The following SGCG variants were observed in gnomAD, a reference collection of about 807,000 sequenced individuals.
SGCG encodes sarcoglycan gamma, also known as gamma-sarcoglycan.
Under a neutral mutation model 29.3 loss-of-function variants are expected in SGCG, and 26 were observed. That is an observed-to-expected ratio of 0.89 (90% confidence interval 0.65 to 1.23). The LOEUF (loss-of-function observed/expected upper bound fraction) is 1.23. SGCG is among the 50% of genes most tolerant of loss of function. The probability of loss-of-function intolerance (pLI) is 0.00; values close to 1 mark genes in which losing one functional copy is unlikely to be tolerated. For synonymous variants in SGCG, 145 were observed against 129.7 expected (o/e 1.12, Z -0.80); for missense variants, 353 against 356.0 (o/e 0.99, Z 0.07).
At chr13:23,259,080 C>G (rs947741864) in intron 4 of SGCG, among the ~76,000 whole-genome samples, 40 of 152,272 alleles carry the variant, frequency 2.6e-4, no homozygotes, top group Admixed American at 2.6e-3. Context: ...GGAGAATTCC[C>G]TCTTTATCTA....
the SGCG span, among the ~76,000 whole-genome samples, chr13:23,165,527 CTTT>C: frequency 7.0e-6 from 1 of 143,798 alleles, no homozygotes; most frequent in African/African-American, 2.6e-5. Flanking sequence ...AGGAGGCAAA[CTTT>C]TTTTTTTTTT....
the SGCG span, among the ~76,000 whole-genome samples, chr13:23,171,277 T>C: frequency 6.6e-6 from 1 of 152,338 alleles, no homozygotes; most frequent in South Asian, 2.1e-4. Flanking sequence ...ATTATCTTAT[T>C]TAATTATTTA....
intron 3 of SGCG, chr13:23,246,766 TA>T (rs1379319407): frequency 4.7e-6 from 1 of 213,306 alleles, no homozygotes; most frequent in African/African-American, 2.3e-5. Flanking sequence ...CCGTCTCTCT[TA>T]AAGAAGCCCA....
intron 3 of SGCG, among the ~76,000 whole-genome samples, chr13:23,234,930 G>A (rs1351831217): frequency 6.6e-6 from 1 of 151,944 alleles, no homozygotes; most frequent in Non-Finnish European, 1.5e-5. Context: ...TGAATTTGGT[G>A]GCCTCAGTAG....
chr13:23,220,637 A>C (rs893725697), intron 2 of SGCG, among the ~76,000 whole-genome samples: 6 of 152,168 alleles, frequency 3.9e-5, no homozygotes, highest in African/African-American at 1.4e-4. Flanking sequence ...TTCTGTGCAT[A>C]TTTCTAGAGT....
At chr13:23,230,120 C>G (rs1247319175) in intron 2 of SGCG, among the ~76,000 whole-genome samples, 2 of 152,104 alleles carry the variant, frequency 1.3e-5, no homozygotes, top group East Asian at 3.9e-4. Flanking sequence ...TCTGGGCTCT[C>G]TATTCTGTTC....
At chr13:23,203,504 G>A (rs1295308378) in intron 1 of SGCG, among the ~76,000 whole-genome samples, 191 bp from the exon 2 acceptor site, 1 of 152,156 alleles carries the variant, frequency 6.6e-6, no homozygotes, top group Non-Finnish European at 1.5e-5. Context: ...ATATCTCCCT[G>A]TGATTGAAAC....
chr13:23,211,798 T>C (rs1442478395), intron 2 of SGCG, among the ~76,000 whole-genome samples: 2 of 152,172 alleles, frequency 1.3e-5, no homozygotes, highest in African/African-American at 2.4e-5. Flanking sequence ...TTTTGGTATA[T>C]GCTCTTCTCT....
Position 23,203,751 on chromosome 13 carries a change from G to T in SGCG, c.57G>T (p.Glu19Asp), listed in dbSNP as rs752669226. The change falls in exon 2 of 8, where the codon GAG (glutamate) becomes GAT (aspartate). Residue 19 changes from glutamate to aspartate, a missense_variant. Physicochemically the swap from Glu to Asp is conservative, Grantham distance 45. Coordinates refer to ENST00000218867, the MANE Select transcript of SGCG (RefSeq NM_000231.3). Reference protein sequence around the residue: ...ATEGICIERPENQYVYKIGIY... With the variant: ...ATEGICIERPDNQYVYKIGIY... Reference sequence around the variant, plus strand: ...AAGGCATCTGCATAGAGAGGCCAGAGAATCAGTATGTCTACAAAATTGGCA... The same window carrying T: ...AAGGCATCTGCATAGAGAGGCCAGATAATCAGTATGTCTACAAAATTGGCA... 3.1e-6 allele frequency: 5 copies of T among 1,614,098 alleles called. No individual in the cohort carries two copies. In the East Asian group the frequency reaches 8.9e-5, roughly 29 times the overall value.
chr13:23,227,580 AAT>A (rs1228119178), intron 2 of SGCG, among the ~76,000 whole-genome samples: 1 of 152,210 alleles, frequency 6.6e-6, no homozygotes, highest in African/African-American at 2.4e-5. Flanking sequence ...CAACCAATGG[AAT>A]ACAACTCACC....
intron 1 of SGCG, among the ~76,000 whole-genome samples, chr13:23,197,667 G>A (rs978487814): frequency 1.3e-5 from 2 of 152,162 alleles, no homozygotes; most frequent in African/African-American, 4.8e-5. Context: ...ACACCACAGA[G>A]TGATAAATCT....
chr13:23,314,527 T>C (rs72623411), intron 6 of SGCG, among the ~76,000 whole-genome samples: 35,108 of 150,208 alleles, frequency 0.23, 4,657 homozygotes, highest in East Asian at 0.37. Context: ...CAGATGTTAG[T>C]ACCAGGAGTG....
At chr13:23,264,683 A>G (rs996629477) in intron 4 of SGCG, among the ~76,000 whole-genome samples, 2 of 152,216 alleles carry the variant, frequency 1.3e-5, no homozygotes, top group Non-Finnish European at 2.9e-5. Context: ...ATTATACTAC[A>G]AGGCTGTAGT....
chr13:23,210,682 C>A (rs1878164418), intron 2 of SGCG, among the ~76,000 whole-genome samples: 2 of 152,134 alleles, frequency 1.3e-5, no homozygotes, highest in Non-Finnish European at 2.9e-5. Flanking sequence ...CAGAGCAAGA[C>A]CCCGTCTCAA....
At chr13:23,245,864 G>A (rs1366566574) in intron 3 of SGCG, 1 of 152,216 alleles carries the variant, frequency 6.6e-6, no homozygotes, top group Non-Finnish European at 1.5e-5. Context: ...TCTGATGTAG[G>A]TGGAACCACA....
intron 7 of SGCG, among the ~76,000 whole-genome samples, chr13:23,321,267 A>G (rs1455508560): frequency 1.3e-5 from 2 of 152,214 alleles, no homozygotes; most frequent in Non-Finnish European, 1.5e-5. Context: ...CAAGTCTAGA[A>G]ATACAGTTGT....
At chr13:23,206,495 C>T (rs1877986157) in intron 2 of SGCG, among the ~76,000 whole-genome samples, 1 of 152,080 alleles carries the variant, frequency 6.6e-6, no homozygotes, top group African/African-American at 2.4e-5. Flanking sequence ...GAATTTTTTT[C>T]TTGTTTAAGG....
At chr13:23,301,652 C>T (rs997234082) in intron 6 of SGCG, among the ~76,000 whole-genome samples, 3 of 152,098 alleles carry the variant, frequency 2.0e-5, no homozygotes, top group African/African-American at 4.8e-5. Flanking sequence ...TTTGGAAGGC[C>T]GAGGCGGGTG....
At chr13:23,240,174 T>C (rs1879453301) in intron 3 of SGCG, among the ~76,000 whole-genome samples, 1 of 152,172 alleles carries the variant, frequency 6.6e-6, no homozygotes, top group Non-Finnish European at 1.5e-5. Context: ...TTGGAGTGAC[T>C]ATATTAAAAC....
Sources: allele counts gnomAD v4.1 joint callset (sites outside exome capture counted in the v4.1 genomes callset), GRCh38; gene constraint gnomAD v4.1.1; transcripts MANE v1.5; gene names NCBI Gene and HGNC (gene_info 2026-07-23, HGNC 2026-07-21).